The following GPM6A variants were observed in gnomAD, a reference collection of about 807,000 sequenced individuals.
The protein encoded by GPM6A is glycoprotein M6A.
Under a neutral mutation model 32.1 loss-of-function variants are expected in GPM6A, and 7 were observed. That is an observed-to-expected ratio of 0.22 (90% CI 0.12 to 0.41). The LOEUF is 0.41. GPM6A is among the 10% of genes least tolerant of loss of function. The pLI, the probability that GPM6A is intolerant of heterozygous loss-of-function variation, is 1.00. For synonymous variants in GPM6A, 130 were observed against 123.4 expected, an observed-to-expected ratio of 1.05 and a Z score of -0.35; for missense variants, 235 against 347.2, an observed-to-expected ratio of 0.68 and a Z score of 2.57.
intron 1 of GPM6A, among the ~76,000 whole-genome samples, chr4:175,869,010 C>T (rs2111434767): frequency 6.6e-6 from 1 of 152,296 alleles, no homozygotes; most frequent in African/African-American, 2.4e-5. Flanking sequence ...GCTGTGATTA[C>T]ATTTCAATAA....
At chr4:175,750,211 AC>A (rs1413539826) in intron 1 of GPM6A, among the ~76,000 whole-genome samples, 19 of 152,020 alleles carry the variant, frequency 1.2e-4, no homozygotes, top group African/African-American at 4.3e-4. Flanking sequence ...GGCGCATGCC[AC>A]CACACCCTGC....
At chr4:175,816,948 C>T (rs918451174), upstream of GPM6A, among the ~76,000 whole-genome samples, 1 of 152,032 alleles carries the variant, frequency 6.6e-6, no homozygotes, top group African/African-American at 2.4e-5. Flanking sequence ...CAAGCTCCGC[C>T]TCCCGGGTTC....
At chr4:175,745,510 A>G (rs1421893642) in intron 1 of GPM6A, among the ~76,000 whole-genome samples, 1 of 152,194 alleles carries the variant, frequency 6.6e-6, no homozygotes, top group Non-Finnish European at 1.5e-5. Flanking sequence ...TGGATGCTAG[A>G]AGAACCCAGA....
chr4:175,763,481 A>G (rs537150971), intron 1 of GPM6A, among the ~76,000 whole-genome samples: 1 of 152,338 alleles, frequency 6.6e-6, no homozygotes, highest in South Asian at 2.1e-4. Flanking sequence ...GAGGTTTTAA[A>G]TAAGCATAAA....
At chr4:175,638,185 A>C (rs1465788188) in intron 6 of GPM6A, among the ~76,000 whole-genome samples, 1 of 151,254 alleles carries the variant, frequency 6.6e-6, no homozygotes, top group Non-Finnish European at 1.5e-5. Context: ...TACAATTACT[A>C]TTCTCAATTT....
upstream of GPM6A, chr4:176,002,384 T>A: frequency 2.6e-6 from 4 of 1,554,396 alleles, 1 homozygote; most frequent in Non-Finnish European, 3.5e-6. Context: ...GGCCAAGTTC[T>A]CCAAGCCGCG....
At chr4:175,749,252 T>C (rs2111184345) in intron 1 of GPM6A, among the ~76,000 whole-genome samples, 1 of 152,308 alleles carries the variant, frequency 6.6e-6, no homozygotes. Context: ...ATTAACCTAA[T>C]AACTTTGATA....
At chr4:175,724,546 A>G (rs1200704544) in intron 1 of GPM6A, among the ~76,000 whole-genome samples, 1 of 151,930 alleles carries the variant, frequency 6.6e-6, no homozygotes, top group East Asian at 1.9e-4. Context: ...TTCCATCTCA[A>G]AAAAAAAATT....
intron 4 of GPM6A, chr4:175,641,096 A>T (rs1464422967): frequency 2.3e-6 from 1 of 435,684 alleles, no homozygotes; most frequent in Admixed American, 3.7e-5. Flanking sequence ...TCCAGACTCA[A>T]TTATAGCCAG....
Position 175,944,155 on chromosome 4 carries a change from T to C in GPM6A, c.-23+58154A>G, listed in dbSNP as rs896127412. 3.9e-5 allele frequency among the ~76,000 whole-genome samples: 6 copies of C among 152,268 alleles called. No individual in the cohort carries two copies. In the South Asian group the frequency reaches 1.2e-3, roughly 32 times the overall value. ...CCATTTCTAGAAGCTTATTTTCATT[T>C]CGATAACAAGTAGCAGACAATAATA... On this transcript the variant is annotated intron_variant, in intron 1 of 7. Coordinates refer to the GPM6A transcript ENST00000280187.
At chr4:175,758,864 C>A (rs1045322809) in intron 1 of GPM6A, among the ~76,000 whole-genome samples, 2 of 152,122 alleles carry the variant, frequency 1.3e-5, no homozygotes, top group Non-Finnish European at 2.9e-5. Flanking sequence ...AAAGGGATTG[C>A]AACATCAAGT....
chr4:175,735,588 CT>C (rs1311683433), intron 1 of GPM6A, among the ~76,000 whole-genome samples: 3 of 149,866 alleles, frequency 2.0e-5, no homozygotes, highest in African/African-American at 7.4e-5. Context: ...GAGGCAGAGT[CT>C]TGCTCTGTCA....
chr4:175,962,109 G>A (rs1414290850), intron 1 of GPM6A: 2 of 755,360 alleles, frequency 2.6e-6, no homozygotes, highest in Non-Finnish European at 4.9e-6. Flanking sequence ...AGTAGCCCAT[G>A]CTGTGCACCA....
chr4:175,640,961 A>G, intron 4 of GPM6A, 132 bp from the exon 5 acceptor site: 1 of 631,426 alleles, frequency 1.6e-6, no homozygotes. Context: ...GTGGAAAAAT[A>G]ATCTAGCTTT....
At chr4:175,678,470 T>C (rs1743500663) in intron 2 of GPM6A, among the ~76,000 whole-genome samples, 1 of 152,198 alleles carries the variant, frequency 6.6e-6, no homozygotes, top group African/African-American at 2.4e-5. Flanking sequence ...GATAGAAAGC[T>C]TGATTATGCT....
At chr4:175,785,418 T>C (rs78200734) in intron 1 of GPM6A, among the ~76,000 whole-genome samples, 53 of 152,136 alleles carry the variant, frequency 3.5e-4, no homozygotes, top group Non-Finnish European at 6.8e-4. Flanking sequence ...AATAATAAAT[T>C]AATGTCTTAA....
intron 1 of GPM6A, among the ~76,000 whole-genome samples, chr4:175,752,201 C>T (rs1264554372): frequency 6.6e-6 from 1 of 152,108 alleles, no homozygotes; most frequent in East Asian, 1.9e-4. Flanking sequence ...ATCATCATTT[C>T]TTGCATAGAG....
At chr4:175,786,270 G>A (rs1280455995) in intron 1 of GPM6A, among the ~76,000 whole-genome samples, 2 of 149,962 alleles carry the variant, frequency 1.3e-5, no homozygotes, top group Non-Finnish European at 3.0e-5. Flanking sequence ...CATCTTTTTT[G>A]AAGGTCAGGA....
At chr4:175,847,235 C>A (rs745916916) in intron 1 of GPM6A, among the ~76,000 whole-genome samples, 7 of 152,086 alleles carry the variant, frequency 4.6e-5, no homozygotes, top group Non-Finnish European at 1.0e-4. Flanking sequence ...GTTCACATGC[C>A]CATTAAAGCA....
Sources: allele counts gnomAD v4.1 joint callset (sites outside exome capture counted in the v4.1 genomes callset), GRCh38; gene constraint gnomAD v4.1.1; transcripts MANE v1.5; gene names NCBI Gene and HGNC (gene_info 2026-07-23, HGNC 2026-07-21).